Variants in IPO7 observed in about 807,000 individuals in gnomAD.
IPO7 encodes the protein importin-7.
In IPO7, 13 loss-of-function variants were observed where a neutral mutation model predicts 136.4. The ratio of observed to expected loss-of-function variants is 0.10; its 90% confidence interval spans 0.06 to 0.15. IPO7 has a LOEUF of 0.15. Ranked by LOEUF, IPO7 falls within the 10% of genes least tolerant of loss-of-function variation. The pLI, the probability that IPO7 is intolerant of heterozygous loss-of-function variation, is 1.00. For synonymous variants in IPO7, 403 were observed against 404.4 expected, an observed-to-expected ratio of 1.00 and a Z score of 0.04; for missense variants, 857 against 1,240.6, an observed-to-expected ratio of 0.69 and a Z score of 4.65.
intron 1 of IPO7, among the ~76,000 whole-genome samples, chr11:9,398,844 T>G (rs1290065821): frequency 2.0e-5 from 3 of 152,228 alleles, no homozygotes; most frequent in Non-Finnish European, 4.4e-5. Context: ...TCTATCTAGC[T>G]GTGATTTTGT....
At chr11:9,385,615 A>G (rs924513331) in intron 1 of IPO7, among the ~76,000 whole-genome samples, 2 of 152,160 alleles carry the variant, frequency 1.3e-5, no homozygotes, top group Non-Finnish European at 2.9e-5. Flanking sequence ...TTTCCCATTC[A>G]TAAAATTACG....
At chr11:9,430,731 A>C in intron 15 of IPO7, 144 bp from the exon 16 acceptor site, 5 of 673,294 alleles carry the variant, frequency 7.4e-6, no homozygotes, top group Non-Finnish European at 1.2e-5. Context: ...ATAGAGCTTA[A>C]GCTCTTTATT....
At chr11:9,397,584 G>A (rs1394011991) in intron 1 of IPO7, among the ~76,000 whole-genome samples, 3 of 151,082 alleles carry the variant, frequency 2.0e-5, no homozygotes, top group Admixed American at 6.6e-5. Context: ...TTAATCTGGG[G>A]TTCTAATCAT....
At chr11:9,419,063 T>C (rs1855084992) in intron 6 of IPO7, among the ~76,000 whole-genome samples, 1 of 152,226 alleles carries the variant, frequency 6.6e-6, no homozygotes, top group African/African-American at 2.4e-5. Flanking sequence ...TGAACATTCT[T>C]ACGTGTCTTT....
Position 9,438,710 on chromosome 11 carries a change from A to ATTT in IPO7, c.2695+425_2695+426insTTT, listed in dbSNP as rs1855418793. Among the ~76,000 whole-genome samples, 4 of 152,332 alleles carry ATTT rather than the reference A, an allele frequency of 2.6e-5. 1 individual carries two copies. Among genetic ancestry groups the ATTT allele is most frequent in the African/African-American group, 9.6e-5 (4 of 41,572 alleles). ...TACCCAAATGCTTTCATTCACAGAA[A>ATTT]AGACTTCCTTTCTTCTCACTAGAGT... On this transcript the variant is annotated intron_variant, in intron 22 of 24. Transcript: ENST00000379719.
intron 24 of IPO7, among the ~76,000 whole-genome samples, chr11:9,442,992 C>T (rs1024863906): frequency 1.3e-5 from 2 of 151,802 alleles, no homozygotes; most frequent in Admixed American, 6.6e-5. Context: ...TACTGTTCTC[C>T]ATCCTGGGCA....
In IPO7 at chr11:9,436,299, C is replaced by T. The variant is rs773898153; in HGVS notation, c.2201C>T (p.Ala734Val). ...CTTACAGGAGTTGCAGGAGAAGATG[C>T]AGAGTGTCATGCAGCAAAATTGTTA... is the stretch of plus-strand genomic sequence containing the variant. ...KVLTGVAGED[A>V]ECHAAKLLEV... Residue 734 changes from alanine (A) to valine (V), a missense_variant, in exon 20 of 25, where the codon GCA (alanine) becomes GTA (valine). Coordinates refer to ENST00000379719, the MANE Select transcript of IPO7 (RefSeq NM_006391.3). The T allele has an allele frequency of 6.2e-7, 1 of 1,613,628 alleles. No homozygotes were observed. The highest frequency in any genetic ancestry group is 1.3e-5 in the African/African-American group (1 of 75,010).
intron 1 of IPO7, among the ~76,000 whole-genome samples, chr11:9,391,571 G>T (rs994192548): frequency 1.9e-4 from 29 of 152,122 alleles, no homozygotes; most frequent in South Asian, 8.3e-4. Context: ...GCTGGGCATG[G>T]TGGTGGGTGC....
intron 1 of IPO7, 91 bp downstream of exon 1, chr11:9,384,938 A>G: frequency 1.0e-6 from 1 of 990,356 alleles, no homozygotes; most frequent in East Asian, 2.7e-5. Flanking sequence ...GGCGCGGACG[A>G]CGTCGTTGAG....
intron 14 of IPO7, among the ~76,000 whole-genome samples, chr11:9,429,457 G>A (rs896148960): frequency 1.3e-5 from 2 of 151,910 alleles, no homozygotes; most frequent in Non-Finnish European, 2.9e-5. Flanking sequence ...AGTGTGCTAC[G>A]ATTGCCACTA....
chr11:9,433,909 C>A, intron 18 of IPO7, 63 bp downstream of exon 18: 719 of 1,237,230 alleles, frequency 5.8e-4, no homozygotes, highest in Non-Finnish European at 7.3e-4. Flanking sequence ...TGTAGCTTAT[C>A]ATTTGAACAT....
intron 6 of IPO7, among the ~76,000 whole-genome samples, chr11:9,417,491 A>G (rs1196897611): frequency 2.6e-5 from 4 of 152,078 alleles, no homozygotes. Context: ...GCCCACGTAC[A>G]GAGGAAGAGG....
intron 1 of IPO7, among the ~76,000 whole-genome samples, chr11:9,397,341 A>AAAAAAAAAAAAAAAAAT: frequency 3.7e-4 from 4 of 10,762 alleles, no homozygotes; most frequent in African/African-American, 1.0e-3. Context: ...TTTAAAAAAA[A>AAAAAAAAAAAAAAAAAT]ATATATATAT....
rs1173435458 is a variant in IPO7, at chr11:9,403,465, AT to A, written c.166+100del. The A allele has an allele frequency of 5.0e-5, 44 of 882,362 alleles. 2 individuals carry two copies. The highest frequency in any genetic ancestry group is 4.0e-4 in the South Asian group (26 of 64,214). 54.7% of individuals were successfully genotyped at this position (882,362 alleles called of 1,614,324 possible). A position where few individuals can be genotyped will look rare whatever the true frequency, so the allele number is the denominator to read the frequency against. ...AGTGTCTTGGGATGGCCCTTTGGCA[AT>A]TTTTTCCCCCCAGGTAATTTGTTTA... is the stretch of plus-strand genomic sequence containing the variant. On this transcript the variant is annotated intron_variant, in intron 2 of 24. Coordinates refer to ENST00000379719, the MANE Select transcript of IPO7 (RefSeq NM_006391.3).
At chr11:9,436,424 C>T (rs1167968775) in intron 20 of IPO7, 58 bp downstream of exon 20, 1 of 1,208,742 alleles carries the variant, frequency 8.3e-7, no homozygotes, top group African/African-American at 1.5e-5. Flanking sequence ...CTTCCACTTT[C>T]TTTCTTCATT....
rs1164303193 is a variant in IPO7 at position 9,414,619 on chromosome 11, C to CTTTTTTTTTTTTTTTTTTTTTTTTT, written c.636+211_636+235dup. 3 of 71,068 alleles carry CTTTTTTTTTTTTTTTTTTTTTTTTT rather than the reference C, an allele frequency of 4.2e-5. 1 individual carries two copies. The highest frequency in any genetic ancestry group is 7.8e-5 in the Non-Finnish European group (3 of 38,222). 4.4% of individuals were successfully genotyped at this position (71,068 alleles called of 1,614,324 possible). On this transcript the variant is annotated intron_variant, in intron 5 of 24. Transcript: ENST00000379719. ...AAATACATAAACAACCCTAATGAATCTTTTTTTTTTTTTTTTTTTTTTTTT... is the reference window on the plus strand; with the variant it reads ...AAATACATAAACAACCCTAATGAATCTTTTTTTTTTTTTTTTTTTTTTTTTTTTTTTTTTTTTTTTTTTTTTTTTT...
At position 9,445,716 on chromosome 11, in the gene IPO7, T is replaced by C. The variant is rs1855518642; in HGVS notation, c.*522T>C. ...TGATAGCCTTATTCAGTCTTCATCA[T>C]TTTCATCATTGTTCCTATGTAGATT... On this transcript the variant is annotated 3_prime_UTR_variant, in exon 25 of 25. Transcript: ENST00000379719. 6.6e-6 allele frequency: 1 copy of C among 152,646 alleles called. No homozygotes were observed. The highest frequency in any genetic ancestry group is 6.5e-5 in the Admixed American group (1 of 15,332). 9.5% of individuals were successfully genotyped at this position (152,646 alleles called of 1,614,324 possible).
At chr11:9,433,541 TG>T in intron 16 of IPO7, 28 bp from the exon 17 acceptor site, 1 of 1,538,976 alleles carries the variant, frequency 6.5e-7, no homozygotes, top group Non-Finnish European at 9.0e-7. Context: ...AGGCTGTAAC[TG>T]CATATGATTT....
rs377006585 is a variant in IPO7 at position 9,425,904 on chromosome 11, G to A, written c.1335+642G>A. Among the ~76,000 whole-genome samples, 387 of 151,410 alleles carry A rather than the reference G, an allele frequency of 2.6e-3. 1 individual carries two copies. Among genetic ancestry groups the A allele is most frequent in the African/African-American group, 9.0e-3 (373 of 41,276 alleles). ...CAAAAAAAAAAAAAAAAATCAGCTG[G>A]GCATGGTGGTGGGCACCTGTAATCC... On this transcript the variant is annotated intron_variant, in intron 12 of 24. Coordinates refer to ENST00000379719, the MANE Select transcript of IPO7 (RefSeq NM_006391.3).
Sources: gnomAD v4.1 joint callset for allele counts (sites outside exome capture counted in the v4.1 genomes callset) on GRCh38, gnomAD v4.1.1 for gene constraint, MANE v1.5 for transcripts, NCBI Gene and HGNC (gene_info 2026-07-23, HGNC 2026-07-21) for gene names.